Variants in MAPRE2 observed in about 807,000 individuals in gnomAD.
MAPRE2 encodes the protein microtubule-associated protein RP/EB family member 2.
MAPRE2 carries 13 observed loss-of-function variants against 43.2 expected under a neutral mutation model. The observed-to-expected ratio is 0.30, with a 90% CI of 0.20 to 0.48. The LOEUF (loss-of-function observed/expected upper bound fraction) is 0.48. MAPRE2 is among the 20% of genes least tolerant of loss of function. The pLI is 0.99. For synonymous variants in MAPRE2, 135 were observed against 148.8 expected, an observed-to-expected ratio of 0.91 and a Z score of 0.68; for missense variants, 161 against 400.2, an observed-to-expected ratio of 0.40 and a Z score of 5.10.
At chr18:35,108,454 C>A (rs1405367149) in intron 4 of MAPRE2, among the ~76,000 whole-genome samples, 1 of 152,098 alleles carries the variant, frequency 6.6e-6, no homozygotes, top group African/African-American at 2.4e-5. Flanking sequence ...GTCTTTATAG[C>A]AGAATGATTT....
At chr18:35,037,434 A>T (rs1249457387), upstream of MAPRE2, among the ~76,000 whole-genome samples, 2 of 152,220 alleles carry the variant, frequency 1.3e-5, no homozygotes, top group Non-Finnish European at 2.9e-5. Context: ...TAACTTGCCA[A>T]GGTCATAGAA....
chr18:35,005,574 G>A (rs552314792), intron 2 of MAPRE2: 110 of 1,447,010 alleles, frequency 7.6e-5, no homozygotes, highest in Admixed American at 1.3e-4. Flanking sequence ...TATAAATTAC[G>A]TTGCATGACT....
At chr18:35,102,689 C>T (rs763880892) in intron 4 of MAPRE2, among the ~76,000 whole-genome samples, 7 of 152,054 alleles carry the variant, frequency 4.6e-5, no homozygotes, top group Non-Finnish European at 1.0e-4. Flanking sequence ...AAAGTGAAGT[C>T]GTTGAGGAAA....
chr18:35,007,639 A>C (rs1361289212), intron 2 of MAPRE2, among the ~76,000 whole-genome samples: 2 of 152,234 alleles, frequency 1.3e-5, no homozygotes, highest in Admixed American at 1.3e-4. Flanking sequence ...CATGATAGAT[A>C]ACAGAGATGG....
intron 1 of MAPRE2, among the ~76,000 whole-genome samples, chr18:35,004,733 C>T (rs1370018407): frequency 1.3e-5 from 2 of 152,080 alleles, no homozygotes; most frequent in African/African-American, 2.4e-5. Flanking sequence ...CTGGCTAACA[C>T]GGTGAAACAC....
At chr18:35,064,627 T>C (rs1257686229) in intron 1 of MAPRE2, among the ~76,000 whole-genome samples, 1 of 152,176 alleles carries the variant, frequency 6.6e-6, no homozygotes, top group Non-Finnish European at 1.5e-5. Flanking sequence ...AGTTAAGCTT[T>C]AGGTGCAGAA....
intron 1 of MAPRE2, among the ~76,000 whole-genome samples, chr18:34,998,956 T>C (rs185144557): frequency 2.0e-5 from 3 of 152,190 alleles, no homozygotes; most frequent in East Asian, 1.9e-4. Context: ...AGATTTCACA[T>C]GTAACCCTTA....
At chr18:34,993,645 T>C (rs1338782689) in intron 1 of MAPRE2, among the ~76,000 whole-genome samples, 2 of 152,180 alleles carry the variant, frequency 1.3e-5, no homozygotes, top group Non-Finnish European at 2.9e-5. Flanking sequence ...TAAAAGTTAA[T>C]GCCAAATGAT....
chr18:34,977,458 G>C (rs545772596), intron 1 of MAPRE2, among the ~76,000 whole-genome samples: 1 of 152,214 alleles, frequency 6.6e-6, no homozygotes, highest in Non-Finnish European at 1.5e-5. Flanking sequence ...GTGAAGGAGG[G>C]GGGCTCGCGA....
At chr18:35,090,230 A>T (rs1568999478) in intron 2 of MAPRE2, among the ~76,000 whole-genome samples, 1 of 152,194 alleles carries the variant, frequency 6.6e-6, no homozygotes, top group African/African-American at 2.4e-5. Context: ...ATGGATGAAC[A>T]ATTCTGTGAG....
In MAPRE2 at chr18:35,141,635, T is replaced by G. The variant is rs954951507; in HGVS notation, c.*1266T>G. On this transcript the variant is annotated 3_prime_UTR_variant, in exon 7 of 7. Coordinates refer to ENST00000300249, the MANE Select transcript of MAPRE2 (RefSeq NM_014268.4). ...AACTAATATTTGTACATTTTCTTAG[T>G]CTCTTTCCAAGTCTTTGCCTCTTTT... 5 of 152,206 alleles carry G rather than the reference T, an allele frequency of 3.3e-5. No homozygotes were observed. Among genetic ancestry groups the G allele is most frequent in the Non-Finnish European group, 7.3e-5 (5 of 68,042 alleles). The allele number at this position is 152,206 out of a possible 1,614,324, so 9.4% of individuals were successfully genotyped here. A position where few individuals can be genotyped will look rare whatever the true frequency, so the allele number is the denominator to read the frequency against.
intron 1 of MAPRE2, among the ~76,000 whole-genome samples, chr18:35,053,555 A>C (rs1433639750): frequency 6.6e-6 from 1 of 152,026 alleles, no homozygotes; most frequent in African/African-American, 2.4e-5. Flanking sequence ...GGTAGATAGG[A>C]GATGCTCTTC....
At position 35,140,597 on chromosome 18, in the gene MAPRE2, T is replaced by C. The variant is rs529592231; in HGVS notation, c.*228T>C. 1.8e-5 allele frequency: 9 copies of C among 502,744 alleles called. No homozygotes were observed. The highest frequency in any genetic ancestry group is 3.2e-5 in the Non-Finnish European group (9 of 281,092). The allele number at this position is 502,744 out of a possible 1,614,324, so 31.1% of individuals were successfully genotyped here. The stretch of plus-strand genomic sequence containing the variant: ...CTACCCGAGAGATCGTAGGGTCACA[T>C]ACATCCAACTTCACCACTTGGCTGC... On this transcript the variant is annotated 3_prime_UTR_variant, in exon 7 of 7. Transcript: ENST00000300249.
intron 1 of MAPRE2, among the ~76,000 whole-genome samples, chr18:35,049,471 AC>A (rs937706638): frequency 6.6e-6 from 1 of 152,188 alleles, no homozygotes; most frequent in African/African-American, 2.4e-5. Flanking sequence ...CAGCAGACTT[AC>A]CGAGTTCCTT....
At chr18:35,085,273 T>A (rs528828478) in intron 2 of MAPRE2, among the ~76,000 whole-genome samples, 3 of 152,324 alleles carry the variant, frequency 2.0e-5, no homozygotes, top group Non-Finnish European at 2.9e-5. Flanking sequence ...GGGGAATGCT[T>A]CCTTCAACAC....
intron 3 of MAPRE2, among the ~76,000 whole-genome samples, chr18:35,099,885 C>T (rs746049542): frequency 1.3e-5 from 2 of 152,128 alleles, no homozygotes; most frequent in Non-Finnish European, 2.9e-5. Context: ...TAGTTTAATG[C>T]GTGCTTCAGT....
At chr18:35,047,058 C>T (rs556599689) in intron 1 of MAPRE2, among the ~76,000 whole-genome samples, 2 of 152,294 alleles carry the variant, frequency 1.3e-5, no homozygotes, top group South Asian at 2.1e-4. Flanking sequence ...AGGACACTCC[C>T]TGTGACTTTG....
chr18:35,114,604 G>C (rs973396131), intron 4 of MAPRE2, among the ~76,000 whole-genome samples: 1 of 152,216 alleles, frequency 6.6e-6, no homozygotes, highest in East Asian at 1.9e-4. Context: ...TTAGCTCTCC[G>C]TGTGAATGGT....
At chr18:35,042,505 G>A (rs1478453869) in intron 1 of MAPRE2, among the ~76,000 whole-genome samples, 1 of 152,148 alleles carries the variant, frequency 6.6e-6, no homozygotes. Flanking sequence ...CTGGCAATAT[G>A]TTCCAGTAGA....
Sources: gnomAD v4.1 joint callset for allele counts (sites outside exome capture counted in the v4.1 genomes callset) on GRCh38, gnomAD v4.1.1 for gene constraint, MANE v1.5 for transcripts, NCBI Gene and HGNC (gene_info 2026-07-23, HGNC 2026-07-21) for gene names.